ZNF469: variants seen among roughly 807,000 people sequenced by gnomAD.
ZNF469 encodes the protein zinc finger protein 469.
In ZNF469, 1 loss-of-function variant was observed where a neutral mutation model predicts 1.0. That is an observed-to-expected ratio of 1.00 (90% CI 0.35 to 4.73). The LOEUF (loss-of-function observed/expected upper bound fraction) is 4.73. Among genes scored for constraint, ZNF469 ranks in the 30% most tolerant of loss-of-function variants. ZNF469 has a pLI of 0.16. For missense variants in ZNF469, 6,100 were observed against 5,356.3 expected, an observed-to-expected ratio of 1.14 and a Z score of -4.33; for synonymous variants, 2,703 against 2,363.4, an observed-to-expected ratio of 1.14 and a Z score of -4.17.
chr16:88,174,027 T>C, the ZNF469 span, among the ~76,000 whole-genome samples: 1 of 152,156 alleles, frequency 6.6e-6, no homozygotes, highest in Non-Finnish European at 1.5e-5. Context: ...GTAAATTATC[T>C]AACCTCCAAA....
At chr16:88,393,316 G>A (rs887161402) in intron 1 of ZNF469, among the ~76,000 whole-genome samples, 15 of 152,262 alleles carry the variant, frequency 9.9e-5, no homozygotes, top group African/African-American at 2.2e-4. Context: ...CGCGGCATCC[G>A]ATTGTTAGCT....
chr16:88,430,507 C>G lies in ZNF469; in HGVS notation c.3037C>G (p.Pro1013Ala). The G allele has an allele frequency of 7.0e-7, 1 of 1,424,890 alleles. No homozygotes were observed. The highest frequency in any genetic ancestry group is 1.5e-5 in the South Asian group (1 of 67,412). 88.3% of individuals were successfully genotyped at this position (1,424,890 alleles called of 1,614,324 possible). The change falls in exon 3 of 3, where the codon CCG becomes GCG. Residue 1013 changes from proline (P) to alanine (A), a missense_variant. By Grantham distance (27) the Pro-to-Ala change is conservative. Transcript: ENST00000565624. ...CCGCGCAGACCCCGCGCCCCGGGTC[C>G]CGAGAGCCGCCGCCCTCCCCGAGGA... ...GSRADPAPRVPRAAALPEETR... is the reference protein window; with the variant it reads ...GSRADPAPRVARAAALPEETR...
the ZNF469 span, among the ~76,000 whole-genome samples, chr16:88,322,636 TG>T: frequency 6.6e-6 from 1 of 152,168 alleles, no homozygotes; most frequent in Non-Finnish European, 1.5e-5. Context: ...CCTCGGAGAC[TG>T]TGTGGGACCC....
chr16:88,341,084 G>A, the ZNF469 span, among the ~76,000 whole-genome samples: 1 of 152,226 alleles, frequency 6.6e-6, no homozygotes, highest in Non-Finnish European at 1.5e-5. Context: ...GACCTCTCCT[G>A]TGAAGGTCCA....
the ZNF469 span, among the ~76,000 whole-genome samples, chr16:88,183,425 C>T: frequency 6.6e-6 from 1 of 152,252 alleles, no homozygotes; most frequent in Non-Finnish European, 1.5e-5. Flanking sequence ...TGTGTACCTC[C>T]ACCTGTCCCA....
the ZNF469 span, among the ~76,000 whole-genome samples, chr16:88,148,302 C>T: frequency 6.6e-6 from 1 of 152,198 alleles, no homozygotes; most frequent in African/African-American, 2.4e-5. Context: ...ATGGGGCCTG[C>T]AGCATGTTCT....
At chr16:88,329,128 T>G in the ZNF469 span, among the ~76,000 whole-genome samples, 1 of 152,162 alleles carries the variant, frequency 6.6e-6, no homozygotes, top group African/African-American at 2.4e-5. Context: ...ATCCGGGGTC[T>G]GTGTGTCGAC....
At chr16:88,209,354 G>A in the ZNF469 span, among the ~76,000 whole-genome samples, 502 of 151,338 alleles carry the variant, frequency 3.3e-3, 3 homozygotes, top group African/African-American at 0.012. Flanking sequence ...GCAGTGGCGC[G>A]ACCTTGACTC....
At chr16:88,102,812 C>G in the ZNF469 span, among the ~76,000 whole-genome samples, 1 of 152,228 alleles carries the variant, frequency 6.6e-6, no homozygotes, top group Non-Finnish European at 1.5e-5. Context: ...GGCCCCTGAT[C>G]GCCGCCTCCC....
upstream of ZNF469, among the ~76,000 whole-genome samples, chr16:88,379,005 A>C (rs2092515109): frequency 6.6e-6 from 1 of 152,216 alleles, no homozygotes; most frequent in African/African-American, 2.4e-5. Flanking sequence ...CCACACACCC[A>C]GGCCATCAGC....
Position 88,431,936 on chromosome 16 carries a change from A to C in ZNF469, c.4466A>C (p.Gln1489Pro). Reference protein sequence around the residue: ...GLPFACADPPQKTVPSDPPYP... With the variant: ...GLPFACADPPPKTVPSDPPYP... Reference sequence around the variant, plus strand: ...CCGTTCGCATGTGCCGACCCTCCCCAGAAGACGGTGCCGTCAGATCCACCG... The same window carrying C: ...CCGTTCGCATGTGCCGACCCTCCCCCGAAGACGGTGCCGTCAGATCCACCG... Residue 1489 changes from glutamine (Q) to proline (P), a missense_variant, in exon 3 of 3, where the codon CAG becomes CCG. Coordinates refer to ENST00000565624, the MANE Select transcript of ZNF469 (RefSeq NM_001367624.2). 1 of 1,549,350 alleles carries C rather than the reference A, an allele frequency of 6.5e-7. No homozygotes were observed. The highest frequency in any genetic ancestry group is 2.4e-5 in the East Asian group (1 of 40,876).
At chr16:88,309,153 G>T in the ZNF469 span, among the ~76,000 whole-genome samples, 16 of 152,342 alleles carry the variant, frequency 1.1e-4, no homozygotes, top group Non-Finnish European at 1.9e-4. Context: ...TGCCCTGTGC[G>T]TGTTGCCCAG....
the ZNF469 span, among the ~76,000 whole-genome samples, chr16:88,322,652 G>A: frequency 6.6e-6 from 1 of 152,180 alleles, no homozygotes. Flanking sequence ...GGACCCGAGC[G>A]ACCCCTCCAT....
At chr16:88,231,337 G>A in the ZNF469 span, among the ~76,000 whole-genome samples, 2 of 152,222 alleles carry the variant, frequency 1.3e-5, no homozygotes, top group African/African-American at 4.8e-5. The surrounding 1 kb of genome is among the most constrained non-coding windows in gnomAD (Gnocchi z 4.5). Context: ...CGAGGACCCT[G>A]TGAAAGAGAA....
the ZNF469 span, among the ~76,000 whole-genome samples, chr16:88,258,213 T>G: frequency 1.4e-5 from 1 of 70,662 alleles, no homozygotes. Context: ...AGAGAAAGGG[T>G]GTGTGTGTGT....
chr16:88,419,587 C>A (rs12443818), intron 1 of ZNF469, among the ~76,000 whole-genome samples: 2,398 of 152,252 alleles, frequency 0.016, 40 homozygotes, highest in Non-Finnish European at 0.023. Flanking sequence ...GTGTGGACAG[C>A]CTCCCTAACC....
At chr16:88,366,248 TCAC>T in the ZNF469 span, among the ~76,000 whole-genome samples, 504 of 150,706 alleles carry the variant, frequency 3.3e-3, 3 homozygotes, top group African/African-American at 0.012. Flanking sequence ...ACAACCACCA[TCAC>T]CACCACTATT....
the ZNF469 span, among the ~76,000 whole-genome samples, chr16:88,239,693 A>G: frequency 5.8e-4 from 5 of 8,618 alleles, 1 homozygote; most frequent in Admixed American, 2.4e-3. Context: ...ATATATATAT[A>G]TATATATATA....
At chr16:88,386,848 A>C (rs8062363) in intron 1 of ZNF469, among the ~76,000 whole-genome samples, 1 of 151,972 alleles carries the variant, frequency 6.6e-6, no homozygotes, top group Non-Finnish European at 1.5e-5. Context: ...GGCTCTGTGA[A>C]GTAGCCTTGA....
Sources: gnomAD v4.1 joint callset for allele counts (sites outside exome capture counted in the v4.1 genomes callset) on GRCh38, gnomAD v4.1.1 for gene constraint, Gnocchi (gnomAD v3.1) non-coding constraint, MANE v1.5 for transcripts, NCBI Gene and HGNC (gene_info 2026-07-23, HGNC 2026-07-21) for gene names.